The following DLGAP1 variants were observed in gnomAD, a reference collection of about 807,000 sequenced individuals.
DLGAP1 encodes DLG associated protein 1.
DLGAP1 carries 11 observed loss-of-function variants against 90.8 expected under a neutral mutation model. The ratio of observed to expected loss-of-function variants is 0.12; its 90% CI spans 0.08 to 0.20. The LOEUF (loss-of-function observed/expected upper bound fraction) is 0.20, where lower values mean the gene tolerates loss of function less well. Among genes scored for constraint, DLGAP1 ranks in the 10% least tolerant of loss-of-function variants. DLGAP1 has a pLI of 1.00. For missense variants in DLGAP1, 1,050 were observed against 1,333.8 expected, an observed-to-expected ratio of 0.79 and a Z score of 3.31; for synonymous variants, 558 against 540.7, an observed-to-expected ratio of 1.03 and a Z score of -0.44.
chr18:3,910,670 C>T lies in DLGAP1; in HGVS notation c.-72-30530G>A, dbSNP rs186134753. 2.1e-3 allele frequency among the ~76,000 whole-genome samples: 317 copies of T among 152,250 alleles called. 1 individual carries two copies. Among genetic ancestry groups the T allele is most frequent in the Admixed American group, 4.1e-3 (63 of 15,286 alleles). On this transcript the variant is annotated intron_variant, in intron 3 of 12. Coordinates refer to ENST00000315677, the MANE Select transcript of DLGAP1 (RefSeq NM_004746.4). ...GGCGATTCGGAATCATTGCCATCTG[C>T]TAGTGCCTGCCTTTGCGGTGTCCGG...
At chr18:3,821,057 G>C (rs772841205) in intron 4 of DLGAP1, among the ~76,000 whole-genome samples, 1 of 152,176 alleles carries the variant, frequency 6.6e-6, no homozygotes, top group Non-Finnish European at 1.5e-5. Flanking sequence ...GGCCAAGGCA[G>C]GAGGATCACT....
chr18:3,887,107 G>A (rs2071337259), intron 3 of DLGAP1, among the ~76,000 whole-genome samples: 1 of 152,220 alleles, frequency 6.6e-6, no homozygotes, highest in South Asian at 2.1e-4. Context: ...AAGGGCCTGC[G>A]CTGGCCCCAT....
intron 2 of DLGAP1, among the ~76,000 whole-genome samples, chr18:4,038,597 AAG>A (rs2074926554): frequency 6.6e-6 from 1 of 152,206 alleles, no homozygotes; most frequent in African/African-American, 2.4e-5. Flanking sequence ...CAAGGGTGAA[AAG>A]AGAGAAGGAA....
chr18:3,772,663 C>G (rs1037890133), intron 5 of DLGAP1, among the ~76,000 whole-genome samples: 1 of 151,110 alleles, frequency 6.6e-6, no homozygotes, highest in Non-Finnish European at 1.5e-5. Context: ...TTTCTGAGCC[C>G]CACCCCAGAA....
chr18:4,354,784 C>A (rs2081471718), intron 1 of DLGAP1, among the ~76,000 whole-genome samples: 1 of 147,312 alleles, frequency 6.8e-6, no homozygotes, highest in Admixed American at 7.0e-5. Flanking sequence ...AACAGCCACT[C>A]ATTATTGTTA....
intron 4 of DLGAP1, among the ~76,000 whole-genome samples, chr18:3,853,594 CACA>C (rs1419655706): frequency 6.6e-6 from 1 of 151,648 alleles, no homozygotes; most frequent in East Asian, 1.9e-4. Context: ...ATGATGTTCA[CACA>C]ACAACCAAGT....
chr18:3,894,660 G>T (rs1426592141), intron 3 of DLGAP1: 1 of 152,138 alleles, frequency 6.6e-6, no homozygotes, highest in Non-Finnish European at 1.5e-5. Flanking sequence ...TGCTTTGGCA[G>T]TTTAGGCTCT....
intron 2 of DLGAP1, among the ~76,000 whole-genome samples, chr18:4,127,923 T>C (rs948298067): frequency 3.3e-5 from 5 of 152,218 alleles, no homozygotes; most frequent in African/African-American, 1.2e-4. Context: ...CAGGTTCATG[T>C]GTCAAAAGAA....
intron 1 of DLGAP1, among the ~76,000 whole-genome samples, chr18:4,445,791 G>C (rs2144867762): frequency 6.6e-6 from 1 of 152,154 alleles, no homozygotes; most frequent in Middle Eastern, 3.4e-3. Context: ...CCAGATAAAT[G>C]CAACTGGAAT....
At chr18:4,111,028 G>T (rs1598418483) in intron 2 of DLGAP1, among the ~76,000 whole-genome samples, 1 of 152,080 alleles carries the variant, frequency 6.6e-6, no homozygotes, top group African/African-American at 2.4e-5. Context: ...CTCATCTAAA[G>T]GTTATGATAT....
rs545882579 is a variant in DLGAP1 at position 4,002,701 on chromosome 18, A to G, written c.-73+2415T>C. ...TAGTTTCGTTTCTGGAGAGTCAAAA[A>G]TTAAACAGAATTGTGACCCTTTGGG... On this transcript the variant is annotated intron_variant, in intron 3 of 12. Coordinates refer to ENST00000315677, the MANE Select transcript of DLGAP1 (RefSeq NM_004746.4). 4.6e-5 allele frequency among the ~76,000 whole-genome samples: 7 copies of G among 152,318 alleles called. No individual in the cohort carries two copies. In the South Asian group the frequency reaches 1.5e-3, roughly 32 times the overall value.
chr18:4,440,032 C>G (rs557586140), intron 1 of DLGAP1, among the ~76,000 whole-genome samples: 3 of 144,492 alleles, frequency 2.1e-5, no homozygotes, highest in African/African-American at 7.7e-5. Context: ...AGGCAGGAGA[C>G]TGGCGTGAAC....
At chr18:4,196,107 C>G (rs2077493054) in intron 1 of DLGAP1, among the ~76,000 whole-genome samples, 3 of 152,146 alleles carry the variant, frequency 2.0e-5, no homozygotes, top group Non-Finnish European at 2.9e-5. Context: ...CAATCATGCA[C>G]CAAACACTGC....
intron 2 of DLGAP1, among the ~76,000 whole-genome samples, chr18:4,018,210 G>A (rs927886503): frequency 1.3e-5 from 2 of 152,226 alleles, no homozygotes; most frequent in African/African-American, 4.8e-5. Flanking sequence ...ACTGGGATGT[G>A]CTCTGGGCAA....
chr18:4,132,142 G>C (rs1047933135), intron 2 of DLGAP1, among the ~76,000 whole-genome samples: 3 of 151,926 alleles, frequency 2.0e-5, no homozygotes, highest in Non-Finnish European at 4.4e-5. Flanking sequence ...TCTTTTAATT[G>C]AGGATGAATT....
chr18:3,879,588 C>A lies in DLGAP1; in HGVS notation c.481G>T (p.Gly161Cys). 2 of 1,600,676 alleles carry A rather than the reference C, an allele frequency of 1.2e-6. No individual in the cohort carries two copies. The highest frequency in any genetic ancestry group is 2.2e-5 in the South Asian group (2 of 90,544). Residue 161 changes from glycine (G) to cysteine (C), a missense_variant, in exon 4 of 13, where the codon GGC (glycine) becomes TGC (cysteine). Transcript: ENST00000315677. This position sits in a 1 kb window ranked among gnomAD's most constrained non-coding sequence, Gnocchi z 6.6. ...KSHSLEGPSK[G>C]SVNGGKASPD... ...CTGGCCTTGCCCCCGTTGACGCTGC[C>A]CTTGGACGGCCCCTCCAGGGAGTGC...
intron 1 of DLGAP1, among the ~76,000 whole-genome samples, chr18:4,275,030 GAATT>G (rs2079378896): frequency 1.3e-5 from 2 of 152,280 alleles, no homozygotes; most frequent in African/African-American, 2.4e-5. Context: ...GGAAATTGGT[GAATT>G]AATATGGGAA....
intron 1 of DLGAP1, among the ~76,000 whole-genome samples, chr18:4,257,783 C>G (rs1294240208): frequency 2.0e-5 from 3 of 151,974 alleles, no homozygotes; most frequent in Non-Finnish European, 4.4e-5. Context: ...TGCCACTATG[C>G]CTGGCTAATT....
At chr18:4,445,380 C>T (rs1310124201) in intron 1 of DLGAP1, among the ~76,000 whole-genome samples, 1 of 151,544 alleles carries the variant, frequency 6.6e-6, no homozygotes, top group Non-Finnish European at 1.5e-5. Flanking sequence ...ATGTGCCATG[C>T]TGGTGCGCTG....
Sources: allele counts gnomAD v4.1 joint callset (sites outside exome capture counted in the v4.1 genomes callset), GRCh38; gene constraint gnomAD v4.1.1; non-coding constraint Gnocchi (gnomAD v3.1); transcripts MANE v1.5; gene names NCBI Gene and HGNC (gene_info 2026-07-23, HGNC 2026-07-21).